The following RPH3A variants were observed in gnomAD, a reference collection of about 807,000 sequenced individuals.
The protein encoded by RPH3A is rabphilin-3A.
A neutral mutation model predicts 102.2 loss-of-function variants in RPH3A; 48 were observed. The observed-to-expected ratio is 0.47, with a 90% CI of 0.37 to 0.60. RPH3A has a LOEUF of 0.60. RPH3A is among the 20% of genes least tolerant of loss of function. The probability of loss-of-function intolerance (pLI) is 0.00; values close to 1 mark genes in which losing one functional copy is unlikely to be tolerated. For missense variants in RPH3A, 781 were observed against 910.1 expected (o/e 0.86, Z 1.83); for synonymous variants, 310 against 324.3 (o/e 0.96, Z 0.47).
chr12:112,797,531 C>G lies in RPH3A; in HGVS notation c.-19+5268C>G, dbSNP rs7132201. Among the ~76,000 whole-genome samples, 1,414 of 152,190 alleles carry G rather than the reference C, an allele frequency of 9.3e-3. 13 individuals carry two copies. The highest frequency in any genetic ancestry group is 0.028 in the African/African-American group (1,159 of 41,494). ...CTGGATTTAGCATGTCGCTCCCATT[C>G]CCTGCTAACCTCAGACAATTCCAAG... On this transcript the variant is annotated intron_variant, in intron 2 of 21. Coordinates refer to ENST00000389385, the MANE Select transcript of RPH3A (RefSeq NM_001143854.2).
At chr12:112,809,273 G>A (rs1363238265) in intron 2 of RPH3A, among the ~76,000 whole-genome samples, 1 of 152,126 alleles carries the variant, frequency 6.6e-6, no homozygotes, top group Non-Finnish European at 1.5e-5. Flanking sequence ...GTTTCCTGGG[G>A]TATGCCAGTA....
intron 1 of RPH3A, among the ~76,000 whole-genome samples, chr12:112,745,678 T>C (rs1392747936): frequency 6.6e-6 from 1 of 152,218 alleles, no homozygotes; most frequent in Middle Eastern, 3.2e-3. Context: ...AGACTTCAAC[T>C]GCTTGGAAAT....
chr12:112,580,558 C>T (rs968725123), intron 1 of RPH3A, among the ~76,000 whole-genome samples: 1 of 151,928 alleles, frequency 6.6e-6, no homozygotes, highest in Admixed American at 6.6e-5. Flanking sequence ...CGCCCGCCAC[C>T]ACGCCCGGCT....
intron 1 of RPH3A, among the ~76,000 whole-genome samples, chr12:112,713,484 T>C (rs1246345681): frequency 6.6e-6 from 1 of 152,056 alleles, no homozygotes; most frequent in Non-Finnish European, 1.5e-5. Context: ...ACAATCTTTT[T>C]CCCGACCATC....
chr12:112,757,370 C>T (rs2040828567), intron 1 of RPH3A, among the ~76,000 whole-genome samples: 1 of 152,186 alleles, frequency 6.6e-6, no homozygotes. Context: ...TTTCCAGGGG[C>T]TGTCATAGAC....
intron 2 of RPH3A, among the ~76,000 whole-genome samples, chr12:112,818,012 C>T (rs2041707268): frequency 6.6e-6 from 1 of 152,172 alleles, no homozygotes. Flanking sequence ...TTTGACTTCT[C>T]AACTTAAGAA....
intron 2 of RPH3A, among the ~76,000 whole-genome samples, chr12:112,816,012 A>G (rs1161787717): frequency 2.0e-5 from 3 of 152,218 alleles, no homozygotes; most frequent in African/African-American, 7.2e-5. Flanking sequence ...CAGGGCTCAC[A>G]GAGACTCCCA....
intron 2 of RPH3A, among the ~76,000 whole-genome samples, chr12:112,824,442 G>C (rs1033397753): frequency 3.9e-5 from 6 of 152,188 alleles, no homozygotes; most frequent in Middle Eastern, 3.4e-3. Context: ...CCAGCTGTAG[G>C]GGGGATCCAG....
chr12:112,868,674 C>A, intron 8 of RPH3A, 79 bp downstream of exon 8: 2 of 1,473,750 alleles, frequency 1.4e-6, no homozygotes, highest in Non-Finnish European at 9.2e-7. Context: ...GGCCTGACAT[C>A]ATGTCTGTGT....
In RPH3A at chr12:112,754,219, G is replaced by C. The variant is rs142897016; in HGVS notation, c.-139-37924G>C. Among the ~76,000 whole-genome samples the C allele has an allele frequency of 2.6e-5, 4 of 152,262 alleles. No individual in the cohort carries two copies. The East Asian group carries it at 7.7e-4, about 29-fold the overall frequency. On this transcript the variant is annotated intron_variant, in intron 1 of 21. Transcript: ENST00000543106. ...GTCCACTTACTGCTGTGTGATTCTA[G>C]ACACACTCTTAAACTCTTTGAGCCT... is the stretch of plus-strand genomic sequence containing the variant.
At chr12:112,805,469 T>C (rs2041441363) in intron 2 of RPH3A, among the ~76,000 whole-genome samples, 2 of 152,180 alleles carry the variant, frequency 1.3e-5, no homozygotes, top group African/African-American at 4.8e-5. Context: ...ATGAATCCTC[T>C]TTTTCACTGC....
chr12:112,590,426 C>T (rs961538809), intron 1 of RPH3A, among the ~76,000 whole-genome samples: 1 of 152,160 alleles, frequency 6.6e-6, no homozygotes, highest in African/African-American at 2.4e-5. Flanking sequence ...TGTTAGAATC[C>T]CATAAGCCAT....
At chr12:112,580,085 AC>A (rs2039386714) in intron 1 of RPH3A, among the ~76,000 whole-genome samples, 1 of 152,062 alleles carries the variant, frequency 6.6e-6, no homozygotes, top group South Asian at 2.1e-4. Context: ...AAAAACAGAT[AC>A]CGTGTCTATT....
chr12:112,712,389 C>T (rs552373846), intron 1 of RPH3A, among the ~76,000 whole-genome samples: 93 of 152,210 alleles, frequency 6.1e-4, no homozygotes, highest in African/African-American at 2.1e-3. Context: ...AATGGTCCAA[C>T]GTTGGCAATT....
chr12:112,695,939 T>G (rs1276880892), intron 1 of RPH3A, among the ~76,000 whole-genome samples: 1 of 152,188 alleles, frequency 6.6e-6, no homozygotes, highest in Admixed American at 6.5e-5. Context: ...ACACCTATCA[T>G]CTGAGCAGTG....
chr12:112,881,011 G>A (rs2042899390), intron 14 of RPH3A, among the ~76,000 whole-genome samples: 1 of 152,136 alleles, frequency 6.6e-6, no homozygotes, highest in African/African-American at 2.4e-5. Flanking sequence ...GGGTGGCAGA[G>A]GTGGAAGAAA....
intron 2 of RPH3A, among the ~76,000 whole-genome samples, chr12:112,816,897 G>A (rs1340516013): frequency 6.6e-6 from 1 of 152,164 alleles, no homozygotes; most frequent in Non-Finnish European, 1.5e-5. Context: ...ACAACGGCAT[G>A]TTTTGTGCCA....
At chr12:112,855,127 T>C (rs1327053398) in intron 5 of RPH3A, among the ~76,000 whole-genome samples, 2 of 152,200 alleles carry the variant, frequency 1.3e-5, no homozygotes, top group African/African-American at 4.8e-5. Flanking sequence ...AAAGATTTCA[T>C]TCTTCTAGCC....
intron 1 of RPH3A, among the ~76,000 whole-genome samples, chr12:112,647,517 T>C (rs1941321250): frequency 1.3e-5 from 2 of 152,086 alleles, no homozygotes; most frequent in African/African-American, 4.8e-5. Flanking sequence ...AGGCAATAAA[T>C]GAGTAAATTT....
Sources: allele counts gnomAD v4.1 joint callset (sites outside exome capture counted in the v4.1 genomes callset), GRCh38; gene constraint gnomAD v4.1.1; transcripts MANE v1.5; gene names NCBI Gene and HGNC (gene_info 2026-07-23, HGNC 2026-07-21).